The following CHN2 variants were observed in gnomAD, a reference collection of about 807,000 sequenced individuals.
CHN2 encodes the protein beta-chimaerin.
A neutral mutation model predicts 56.3 loss-of-function variants in CHN2; 35 were observed. That is an observed-to-expected ratio of 0.62 (90% CI 0.47 to 0.82). The LOEUF (loss-of-function observed/expected upper bound fraction) is 0.82. CHN2 is among the 40% of genes least tolerant of loss of function. The probability of loss-of-function intolerance (pLI) is 0.00; values close to 1 mark genes in which losing one functional copy is unlikely to be tolerated. For missense variants in CHN2, 491 were observed against 580.5 expected, an observed-to-expected ratio of 0.85 and a Z score of 1.58; for synonymous variants, 210 against 212.8, an observed-to-expected ratio of 0.99 and a Z score of 0.12.
chr7:29,392,570 G>A (rs149639610), intron 3 of CHN2, among the ~76,000 whole-genome samples: 1,594 of 152,240 alleles, frequency 0.01, 15 homozygotes, highest in Middle Eastern at 0.017. Flanking sequence ...TTGTACCAGC[G>A]AGGCTTGTCC....
At position 29,500,017 on chromosome 7, in the gene CHN2, G is replaced by A. The variant is rs1208655987; in HGVS notation, c.890G>A (p.Cys297Tyr). Residue 297 changes from cysteine (C) to tyrosine (Y), a missense_variant, in exon 9 of 13, where the codon TGC (cysteine) becomes TAC (tyrosine). Cys to Tyr is a radical substitution (Grantham distance 194). Coordinates refer to ENST00000222792, the MANE Select transcript of CHN2 (RefSeq NM_004067.4). ...CAGAGACCCATGGTGGTAGACATAT[G>A]CATTCGGGAAATTGAAGCAAGAGGT... ...NTQRPMVVDI[C>Y]IREIEARGLK... is the part of the protein sequence containing the mutation. 1 of 1,552,864 alleles carries A rather than the reference G, an allele frequency of 6.4e-7. No individual in the cohort carries two copies.
At chr7:29,450,287 C>T (rs921957368) in intron 6 of CHN2, among the ~76,000 whole-genome samples, 2 of 152,144 alleles carry the variant, frequency 1.3e-5, no homozygotes, top group African/African-American at 4.8e-5. Context: ...GATATCAGAT[C>T]CTAATCCCTA....
chr7:29,315,595 A>G (rs1216957778), intron 1 of CHN2, among the ~76,000 whole-genome samples: 1 of 152,200 alleles, frequency 6.6e-6, no homozygotes, highest in East Asian at 1.9e-4. Flanking sequence ...AGTTCTGGAA[A>G]AGTGTCAAAT....
chr7:29,307,186 T>G (rs1794237966), intron 1 of CHN2, among the ~76,000 whole-genome samples: 1 of 152,222 alleles, frequency 6.6e-6, no homozygotes, highest in South Asian at 2.1e-4. Context: ...TACAATCACT[T>G]CAGATGTTTT....
intron 1 of CHN2, among the ~76,000 whole-genome samples, chr7:29,345,933 T>G (rs1490334009): frequency 6.6e-6 from 1 of 152,120 alleles, no homozygotes; most frequent in Non-Finnish European, 1.5e-5. Context: ...TCTTACTAAC[T>G]ATTCTCTGCA....
intron 7 of CHN2, among the ~76,000 whole-genome samples, chr7:29,490,706 T>G (rs998340116): frequency 6.6e-6 from 1 of 152,246 alleles, no homozygotes; most frequent in Non-Finnish European, 1.5e-5. Flanking sequence ...TTCTTGTCTT[T>G]CCAGTGTATA....
At chr7:29,234,213 C>T (rs39073) in intron 1 of CHN2, among the ~76,000 whole-genome samples, 49,155 of 151,884 alleles carry the variant, frequency 0.32, 8,565 homozygotes, top group Admixed American at 0.41. Context: ...TATTTTAAGC[C>T]ACCAAGTATA....
At chr7:29,339,881 A>G (rs1214448899) in intron 1 of CHN2, among the ~76,000 whole-genome samples, 1 of 151,700 alleles carries the variant, frequency 6.6e-6, no homozygotes, top group East Asian at 1.9e-4. Flanking sequence ...ACAATACTGT[A>G]TATAATAATA....
At chr7:29,455,403 G>A (rs1022183663) in intron 6 of CHN2, among the ~76,000 whole-genome samples, 11 of 152,190 alleles carry the variant, frequency 7.2e-5, no homozygotes, top group African/African-American at 1.7e-4. Flanking sequence ...AGCTAGTCGC[G>A]GCACAGTTGA....
chr7:29,153,250 G>A (rs765782082), intron 2 of CHN2, among the ~76,000 whole-genome samples: 11 of 152,154 alleles, frequency 7.2e-5, no homozygotes, highest in Middle Eastern at 3.2e-3. Flanking sequence ...CTTGCCCCAA[G>A]CCTCCAAAGA....
intron 1 of CHN2, among the ~76,000 whole-genome samples, chr7:29,278,405 T>C (rs1309598115): frequency 6.6e-6 from 1 of 151,054 alleles, no homozygotes; most frequent in Non-Finnish European, 1.5e-5. Flanking sequence ...CCATAGAAGA[T>C]ACATAAATGA....
chr7:29,147,712 C>A (rs729777), intron 2 of CHN2, among the ~76,000 whole-genome samples: 1 of 152,042 alleles, frequency 6.6e-6, no homozygotes, highest in East Asian at 1.9e-4. Flanking sequence ...GAAAATAATT[C>A]TTTTAAGGCC....
At chr7:29,504,920 A>C in intron 10 of CHN2, 99 bp downstream of exon 10, 2 of 791,012 alleles carry the variant, frequency 2.5e-6, no homozygotes, top group Non-Finnish European at 4.2e-6. Flanking sequence ...CAGAACTACT[A>C]AGAGTTGTTC....
chr7:29,203,428 T>A (rs547370040), intron 1 of CHN2, among the ~76,000 whole-genome samples: 1 of 133,688 alleles, frequency 7.5e-6, no homozygotes, highest in African/African-American at 3.0e-5. Context: ...GATTGCGCCA[T>A]TGCATTCCAG....
intron 2 of CHN2, among the ~76,000 whole-genome samples, chr7:29,175,983 A>G (rs753856738): frequency 1.6e-4 from 24 of 152,212 alleles, no homozygotes; most frequent in Admixed American, 2.6e-4. Context: ...TCAGGAGATC[A>G]AGACCATCCT....
intron 2 of CHN2, among the ~76,000 whole-genome samples, chr7:29,177,105 A>G (rs1025962881): frequency 1.3e-5 from 2 of 152,232 alleles, no homozygotes; most frequent in Non-Finnish European, 2.9e-5. Flanking sequence ...TTTAGTGAAC[A>G]TTGTCTTCTA....
rs1226713134 is a variant in CHN2, at chr7:29,400,735, A to G, written c.483A>G (p.Leu161=). ...ATGAACACATTGGATATGCCACCCT[A>G]CTCAGAGAAAAAGTATCCAGAAGGC... is the stretch of plus-strand genomic sequence containing the variant. ...PIYEHIGYAT[L]LREKVSRRLS... is the part of the protein sequence containing the mutation. The change falls in exon 6 of 13, where the codon CTA becomes CTG. Residue 161 remains leucine, a synonymous_variant. Coordinates refer to ENST00000222792, the MANE Select transcript of CHN2 (RefSeq NM_004067.4). The G allele has an allele frequency of 6.2e-7, 1 of 1,614,002 alleles. No homozygotes were observed. Among genetic ancestry groups the G allele is most frequent in the East Asian group, 2.2e-5 (1 of 44,888 alleles).
At chr7:29,271,089 G>T (rs77171499) in intron 1 of CHN2, among the ~76,000 whole-genome samples, 1 of 152,126 alleles carries the variant, frequency 6.6e-6, no homozygotes, top group African/African-American at 2.4e-5. Context: ...AAACAGAAAC[G>T]ATTAACCTTG....
At chr7:29,312,664 TAG>T (rs1262126616) in intron 1 of CHN2, among the ~76,000 whole-genome samples, 3 of 152,152 alleles carry the variant, frequency 2.0e-5, no homozygotes, top group Non-Finnish European at 4.4e-5. Context: ...CTTACTGCCG[TAG>T]AGAGAGTGGA....
Sources: allele counts gnomAD v4.1 joint callset (sites outside exome capture counted in the v4.1 genomes callset), GRCh38; gene constraint gnomAD v4.1.1; transcripts MANE v1.5; gene names NCBI Gene and HGNC (gene_info 2026-07-23, HGNC 2026-07-21).